The following PACSIN2 variants were observed in gnomAD, a reference collection of about 807,000 sequenced individuals.
The protein encoded by PACSIN2 is protein kinase C and casein kinase substrate in neurons 2.
PACSIN2 carries 25 observed loss-of-function variants against 63.8 expected under a neutral mutation model. That is an observed-to-expected ratio of 0.39 (90% CI 0.29 to 0.55). The LOEUF (loss-of-function observed/expected upper bound fraction) is 0.55. Among genes scored for constraint, PACSIN2 ranks in the 20% least tolerant of loss-of-function variants. The pLI is 0.62. For synonymous variants in PACSIN2, 255 were observed against 256.2 expected, an observed-to-expected ratio of 1.00 and a Z score of 0.05; for missense variants, 518 against 646.9, an observed-to-expected ratio of 0.80 and a Z score of 2.16.
chr22:42,890,815 C>T (rs759055967), intron 4 of PACSIN2, 132 bp downstream of exon 4: 2 of 665,894 alleles, frequency 3.0e-6, no homozygotes, highest in Non-Finnish European at 5.3e-6. Flanking sequence ...TGAGGAGTGG[C>T]TTCATCTCTA....
At chr22:42,951,138 T>A (rs1427792038) in intron 1 of PACSIN2, among the ~76,000 whole-genome samples, 2 of 152,120 alleles carry the variant, frequency 1.3e-5, no homozygotes, top group Non-Finnish European at 2.9e-5. Context: ...TTTTGAAAAT[T>A]CAAAAGGAAG....
Position 42,893,626 on chromosome 22 carries a change from A to G in PACSIN2, c.61-13T>C. ...TGTAGTTCCCGACCTAGGAGAGAGAACCAGCTGGGAGGCAGGGGGCTTGGG... is the reference window on the plus strand; with the variant it reads ...TGTAGTTCCCGACCTAGGAGAGAGAGCCAGCTGGGAGGCAGGGGGCTTGGG... On this transcript the variant is annotated splice_polypyrimidine_tract_variant and intron_variant, in intron 2 of 10. Coordinates refer to ENST00000263246, the MANE Select transcript of PACSIN2 (RefSeq NM_001184970.3). 6.2e-7 allele frequency: 1 copy of G among 1,608,456 alleles called. No homozygotes were observed. Among genetic ancestry groups the G allele is most frequent in the Non-Finnish European group, 8.5e-7 (1 of 1,175,600 alleles).
chr22:42,948,831 T>C (rs765737120), intron 1 of PACSIN2, among the ~76,000 whole-genome samples: 32 of 152,282 alleles, frequency 2.1e-4, no homozygotes, highest in Non-Finnish European at 4.3e-4. Context: ...TGTGACAAAC[T>C]GATAAATGAA....
intron 1 of PACSIN2, among the ~76,000 whole-genome samples, chr22:42,960,493 C>T (rs7291153): frequency 0.61 from 92,415 of 151,996 alleles, 28,721 homozygotes; most frequent in East Asian, 0.78. Flanking sequence ...CACTCAAATA[C>T]GCAACTGTGA....
chr22:42,954,683 C>T (rs1933841757), intron 1 of PACSIN2, among the ~76,000 whole-genome samples: 3 of 152,190 alleles, frequency 2.0e-5, no homozygotes, highest in Middle Eastern at 6.8e-3. Flanking sequence ...CACTGGACAT[C>T]GCAGTTCTGG....
rs775322804 is a variant in PACSIN2 at position 43,010,360 on chromosome 22, G to A, written c.-78+4661C>T. On this transcript the variant is annotated intron_variant, in intron 1 of 10. Coordinates refer to ENST00000263246, the MANE Select transcript of PACSIN2 (RefSeq NM_001184970.3). ...TTGAGACCAGCCTGGCAAACATGGC[G>A]GAATCCCATCTCTGTTTAAAAATAC... Among the ~76,000 whole-genome samples the A allele has an allele frequency of 1.0e-4, 14 of 134,334 alleles. No individual in the cohort carries two copies. In the East Asian group the frequency reaches 2.2e-3, roughly 21 times the overall value. 88.1% of individuals were successfully genotyped at this position (134,334 alleles called of 152,430 possible).
chr22:42,982,883 A>AC (rs1922301802), intron 1 of PACSIN2, among the ~76,000 whole-genome samples: 3 of 137,266 alleles, frequency 2.2e-5, no homozygotes, highest in Non-Finnish European at 4.7e-5. Context: ...AAAAAAAAAA[A>AC]AAAAAAACAA....
chr22:43,007,677 T>C (rs1440968696), intron 1 of PACSIN2, among the ~76,000 whole-genome samples: 1 of 152,216 alleles, frequency 6.6e-6, no homozygotes, highest in African/African-American at 2.4e-5. Context: ...CCCTCCTCTG[T>C]CGTGCAGTAC....
Position 42,870,112 on chromosome 22 carries a change from G to C in PACSIN2, c.*1245C>G, listed in dbSNP as rs950204782. 2.0e-5 allele frequency: 3 copies of C among 151,638 alleles called. No homozygotes were observed. The highest frequency in any genetic ancestry group is 4.4e-5 in the Non-Finnish European group (3 of 67,952). The allele number at this position is 151,638 out of a possible 1,614,324, so 9.4% of individuals were successfully genotyped here. A position where few individuals can be genotyped will look rare whatever the true frequency, so the allele number is the denominator to read the frequency against. On this transcript the variant is annotated 3_prime_UTR_variant, in exon 11 of 11. Coordinates refer to ENST00000263246, the MANE Select transcript of PACSIN2 (RefSeq NM_001184970.3). ...GCTCCCGGGCGACTCCGGGCAGCCC[G>C]AGACACTCGTGCTGCGGGTAAGACC... is the stretch of plus-strand genomic sequence containing the variant.
At chr22:42,922,624 G>C (rs866983923) in intron 1 of PACSIN2, among the ~76,000 whole-genome samples, 13 of 152,314 alleles carry the variant, frequency 8.5e-5, no homozygotes, top group South Asian at 2.1e-4. Flanking sequence ...TCACTATCTG[G>C]GGGGAGATTC....
chr22:42,919,772 CAAAAAA>C (rs761464603), intron 1 of PACSIN2, among the ~76,000 whole-genome samples: 2 of 48,792 alleles, frequency 4.1e-5, no homozygotes, highest in Admixed American at 2.1e-4. Context: ...GAACCTGTCT[CAAAAAA>C]AAAAAAAAAA....
chr22:42,946,623 C>A (rs746134703), intron 1 of PACSIN2, among the ~76,000 whole-genome samples: 1 of 152,222 alleles, frequency 6.6e-6, no homozygotes, highest in African/African-American at 2.4e-5. Flanking sequence ...TTACACAACA[C>A]ACAAAGCTGC....
At chr22:42,903,039 T>C (rs1432191799) in intron 2 of PACSIN2, among the ~76,000 whole-genome samples, 1 of 152,252 alleles carries the variant, frequency 6.6e-6, no homozygotes, top group Non-Finnish European at 1.5e-5. Context: ...CCGGCGCTTC[T>C]GCCGCATTCC....
intron 5 of PACSIN2, among the ~76,000 whole-genome samples, chr22:42,887,404 AT>A (rs1159632599): frequency 6.6e-6 from 1 of 152,126 alleles, no homozygotes; most frequent in East Asian, 1.9e-4. Context: ...TGGTTTCCTC[AT>A]TCACAAAACA....
At chr22:42,925,351 A>C (rs952474286) in intron 1 of PACSIN2, among the ~76,000 whole-genome samples, 1 of 152,018 alleles carries the variant, frequency 6.6e-6, no homozygotes, top group African/African-American at 2.4e-5. Context: ...GTGGTGGCGC[A>C]TGCCTGTAGT....
intron 2 of PACSIN2, among the ~76,000 whole-genome samples, chr22:42,898,051 T>G (rs1008499259): frequency 1.3e-4 from 19 of 142,896 alleles, no homozygotes; most frequent in African/African-American, 2.7e-4. Context: ...CTGGCGGGGG[T>G]GGGGACATCC....
chr22:42,913,584 TAGTA>T (rs1017966563), intron 1 of PACSIN2, among the ~76,000 whole-genome samples: 3 of 151,992 alleles, frequency 2.0e-5, no homozygotes, highest in Non-Finnish European at 4.4e-5. Context: ...ACTTGGCCCT[TAGTA>T]AGTGCTACGA....
chr22:43,013,171 C>CG (rs1924617324), intron 1 of PACSIN2, among the ~76,000 whole-genome samples: 1 of 152,234 alleles, frequency 6.6e-6, no homozygotes, highest in Non-Finnish European at 1.5e-5. Flanking sequence ...CAAAGCAGCA[C>CG]GAGCTAAGGA....
intron 1 of PACSIN2, among the ~76,000 whole-genome samples, chr22:42,987,724 G>C (rs539893594): frequency 1.3e-5 from 2 of 151,468 alleles, no homozygotes; most frequent in South Asian, 2.1e-4. Flanking sequence ...GTAGAGACAG[G>C]GTTTAATCAC....
Sources: gnomAD v4.1 joint callset for allele counts (sites outside exome capture counted in the v4.1 genomes callset) on GRCh38, gnomAD v4.1.1 for gene constraint, MANE v1.5 for transcripts, NCBI Gene and HGNC (gene_info 2026-07-23, HGNC 2026-07-21) for gene names.